Variants in PLEC observed in about 807,000 individuals in gnomAD.
PLEC encodes the protein hemidesmosomal protein 1.
A neutral mutation model predicts 392.8 loss-of-function variants in PLEC; 216 were observed. The ratio of observed to expected loss-of-function variants is 0.55; its 90% CI spans 0.49 to 0.62. The LOEUF (loss-of-function observed/expected upper bound fraction) is 0.62. PLEC is among the 20% of genes least tolerant of loss of function. The pLI, the probability that PLEC is intolerant of heterozygous loss-of-function variation, is 0.00. For synonymous variants in PLEC, 3,621 were observed against 2,980.6 expected (o/e 1.21, Z -7.00); for missense variants, 6,863 against 6,563.4 (o/e 1.05, Z -1.58).
rs782119070 is a variant in PLEC, at chr8:143,922,249, C to T, written c.7572G>A (p.Val2524=). ...AKLEQLFQDE[V]AKAQQLREEQ... ...CCTCACGCAGCTGCTGTGCCTTGGC[C>T]ACCTCGTCCTGGAAGAGCTGCTCCA... Residue 2524 remains valine, a synonymous_variant, in exon 32 of 32, where the codon GTG becomes GTA. Coordinates refer to ENST00000345136, the MANE Select transcript of PLEC (RefSeq NM_201384.3). 1.9e-6 allele frequency: 3 copies of T among 1,593,874 alleles called. No individual in the cohort carries two copies. The East Asian group carries it at 6.7e-5, about 36-fold the overall frequency.
chr8:143,950,857 G>A (rs549759594), exon 1 of PLEC: 1 of 1,433,902 alleles, frequency 7.0e-7, no homozygotes, highest in South Asian at 1.4e-5. Context: ...CTGGGGTGCT[G>A]AGCGTGAGGG....
upstream of PLEC, chr8:143,942,437 C>T (rs782170367): frequency 3.7e-6 from 6 of 1,603,650 alleles, no homozygotes; most frequent in East Asian, 2.2e-5. Context: ...CGGGCCGGCT[C>T]GCAGCCCCCG....
At chr8:143,929,382 G>T in intron 24 of PLEC, 32 bp downstream of exon 24, 1 of 1,528,060 alleles carries the variant, frequency 6.5e-7, no homozygotes, top group Non-Finnish European at 8.9e-7. Flanking sequence ...TGGGGAGAGG[G>T]ATGGGACTGG....
At chr8:143,959,555 C>A (rs782233723) in intron 1 of PLEC, among the ~76,000 whole-genome samples, 2 of 152,244 alleles carry the variant, frequency 1.3e-5, no homozygotes, top group African/African-American at 2.4e-5. Context: ...AGACTCCTTA[C>A]ACAAGTTCCC....
chr8:143,931,782 G>A (rs1827334730), intron 18 of PLEC, 123 bp from the exon 19 acceptor site: 4 of 1,500,756 alleles, frequency 2.7e-6, no homozygotes, highest in East Asian at 2.5e-5. Flanking sequence ...CAGGAGGCCT[G>A]GGGAGCACCC....
intron 1 of PLEC, among the ~76,000 whole-genome samples, chr8:143,960,172 C>T (rs1308427676): frequency 2.0e-5 from 3 of 151,774 alleles, no homozygotes; most frequent in Non-Finnish European, 2.9e-5. Context: ...ATCCCAGCTA[C>T]TTGTGAGGCT....
Position 143,916,601 on chromosome 8 carries a change from G to T in PLEC, c.13220C>A (p.Pro4407His). 1 of 1,610,184 alleles carries T rather than the reference G, an allele frequency of 6.2e-7. No individual in the cohort carries two copies. The highest frequency in any genetic ancestry group is 8.5e-7 in the Non-Finnish European group (1 of 1,178,924). The change falls in exon 32 of 32, where the codon CCC becomes CAC. Residue 4407 changes from proline (P) to histidine (H), a missense_variant. Physicochemically the swap from Pro to His is moderately conservative, Grantham distance 77 (BLOSUM62 -2). Coordinates refer to ENST00000345136, the MANE Select transcript of PLEC (RefSeq NM_201384.3). Reference protein sequence around the residue: ...LIEPDTPGRVPLDEALQRGTV... With the variant: ...LIEPDTPGRVHLDEALQRGTV... Reference sequence around the variant, plus strand: ...GCCGCGCTGCAGGGCCTCGTCCAGGGGCACGCGGCCCGGCGTGTCGGGCTC... The same window carrying T: ...GCCGCGCTGCAGGGCCTCGTCCAGGTGCACGCGGCCCGGCGTGTCGGGCTC...
Position 143,918,160 on chromosome 8 carries a change from G to T in PLEC, c.11661C>A (p.Gly3887=). Residue 3887 remains glycine (G), a synonymous_variant, in exon 32 of 32, where the codon GGC becomes GGA. Coordinates refer to ENST00000345136, the MANE Select transcript of PLEC (RefSeq NM_201384.3). ...CCTCCATGGTGATCTGCTTCCGCAG[G>T]CCACGGAAGGTCAGCTTGCGGGCGT... ...LSDARKLTFR[G]LRKQITMEEL... 6.3e-7 allele frequency: 1 copy of T among 1,596,788 alleles called. No individual in the cohort carries two copies. Among genetic ancestry groups the T allele is most frequent in the Non-Finnish European group, 8.5e-7 (1 of 1,177,986 alleles).
chr8:143,929,329 C>CA, intron 24 of PLEC, 48 bp from the exon 25 acceptor site: 1 of 1,591,072 alleles, frequency 6.3e-7, no homozygotes, highest in Non-Finnish European at 8.5e-7. Flanking sequence ...GCGCAGCACA[C>CA]AGCGCCCCTT....
Position 143,918,779 on chromosome 8 carries a change from G to A in PLEC, c.11042C>T (p.Ser3681Phe). 1 of 1,613,118 alleles carries A rather than the reference G, an allele frequency of 6.2e-7. No homozygotes were observed. The highest frequency in any genetic ancestry group is 8.5e-7 in the Non-Finnish European group (1 of 1,180,018). Residue 3681 changes from serine (S) to phenylalanine (F), a missense_variant, in exon 32 of 32, where the codon TCC becomes TTC. Ser to Phe is a radical substitution (Grantham distance 155). Coordinates refer to ENST00000345136, the MANE Select transcript of PLEC (RefSeq NM_201384.3). The stretch of plus-strand genomic sequence containing the variant: ...CGTGCCATAGAGGTAGCACCAGGCG[G>A]ACTCCGCCTCGAGAGCCTCACGGAG... ...RSLREALEAESAWCYLYGTGS... is the reference protein window; with the variant it reads ...RSLREALEAEFAWCYLYGTGS...
In PLEC at chr8:143,922,770, G is replaced by A. The variant is rs1554690457; in HGVS notation, c.7159C>T (p.Leu2387=). 3.7e-6 allele frequency: 6 copies of A among 1,605,508 alleles called. No individual in the cohort carries two copies. The highest frequency in any genetic ancestry group is 2.2e-5 in the South Asian group (2 of 90,280). The part of the protein sequence containing the change: ...EMSAEAERLK[L]RVAEMSRAQA... Reference sequence around the variant, plus strand: ...GCTCGGCTCATCTCGGCCACACGCAGCTTGAGGCGCTCAGCCTCAGCGCTC... The same window carrying A: ...GCTCGGCTCATCTCGGCCACACGCAACTTGAGGCGCTCAGCCTCAGCGCTC... Residue 2387 remains leucine, a synonymous_variant, in exon 31 of 32, where the codon CTG becomes TTG. Coordinates refer to ENST00000345136, the MANE Select transcript of PLEC (RefSeq NM_201384.3).
chr8:143,921,394 C>T lies in PLEC; in HGVS notation c.8427G>A (p.Gln2809=), dbSNP rs782111584. ...GGTCGATAACGCCGCCCGTGGCGATCTGGGCCTCCAGCAGGCGGATGCCGT... is the reference window on the plus strand; with the variant it reads ...GGTCGATAACGCCGCCCGTGGCGATTTGGGCCTCCAGCAGGCGGATGCCGT... The part of the protein sequence containing the change: ...REHGIRLLEA[Q]IATGGVIDPV... Residue 2809 remains glutamine, a synonymous_variant, in exon 32 of 32, where the codon CAG becomes CAA. Coordinates refer to ENST00000345136, the MANE Select transcript of PLEC (RefSeq NM_201384.3). 5.4e-5 allele frequency: 87 copies of T among 1,613,288 alleles called. No individual in the cohort carries two copies. Among genetic ancestry groups the T allele is most frequent in the Non-Finnish European group, 1.1e-5 (13 of 1,179,792 alleles).
rs371717824 is a variant in PLEC, at chr8:143,950,458, G to T, written c.249C>A (p.Arg83=). The T allele has an allele frequency of 1.5e-5, 24 of 1,605,570 alleles. 1 individual carries two copies. The African/African-American group carries it at 3.1e-4, about 21-fold the overall frequency. The stretch of plus-strand genomic sequence containing the variant: ...TCTCTGGCGGCAGGTGCAGGTACTG[G>T]CGGAGGTGGGCGATGCCTTCATTGG... Residue 83 remains arginine, a synonymous_variant, in exon 1 of 32, where the codon CGC becomes CGA. Transcript: ENST00000322810.
At chr8:143,968,529 C>CAAAAAAAAAAAAAAA (rs57468544) in intron 1 of PLEC, among the ~76,000 whole-genome samples, 37 of 63,630 alleles carry the variant, frequency 5.8e-4, no homozygotes, top group African/African-American at 8.4e-4. Flanking sequence ...AACTCCATCT[C>CAAAAAAAAAAAAAAA]AAAAAAAAAA....
rs1554691925 is a variant in PLEC, at chr8:143,923,331, G to A, written c.6598C>T (p.His2200Tyr). Residue 2200 changes from histidine (H) to tyrosine (Y), a missense_variant, in exon 31 of 32, where the codon CAC becomes TAC. Transcript: ENST00000345136. ...TCCTCGTCCAGCAGGTTCTTCTGGT[G>A]GTCGGTCTCCTCCAGCTGCAGCCGC... The part of the protein sequence containing the change: ...TLRLQLEETD[H>Y]QKNLLDEELQ... 3 of 1,609,864 alleles carry A rather than the reference G, an allele frequency of 1.9e-6. No homozygotes were observed. Among genetic ancestry groups the A allele is most frequent in the African/African-American group, 1.3e-5 (1 of 74,872 alleles).
chr8:143,935,430 T>C lies in PLEC; in HGVS notation c.603-117A>G. 2.7e-6 allele frequency: 2 copies of C among 742,656 alleles called. 1 individual carries two copies. The highest frequency in any genetic ancestry group is 2.9e-5 in the South Asian group (2 of 68,698). 46.0% of individuals were successfully genotyped at this position (742,656 alleles called of 1,614,324 possible). ...CAGCAACCATGGACCCCCCCAACAC[T>C]CACCCTGAAAAATACACTGTCACAT... is the stretch of plus-strand genomic sequence containing the variant. On this transcript the variant is annotated intron_variant, in intron 6 of 31. Coordinates refer to ENST00000345136, the MANE Select transcript of PLEC (RefSeq NM_201384.3).
Position 143,930,262 on chromosome 8 carries a change from C to T in PLEC, c.2494G>A (p.Gly832Ser). ...TTCCAGTGGGACGGCTGTGCAGGGC[C>T]CACCAGCTGGCACTCGTCACCCTTG... ...VHKGDECQLV[G>S]PAQPSHWKVL... is the part of the protein sequence containing the mutation. The change falls in exon 21 of 32, where the codon GGC (glycine) becomes AGC (serine). Residue 832 changes from glycine (G) to serine (S), a missense_variant. Coordinates refer to ENST00000345136, the MANE Select transcript of PLEC (RefSeq NM_201384.3). The T allele has an allele frequency of 1.9e-6, 3 of 1,601,832 alleles. No homozygotes were observed. Among genetic ancestry groups the T allele is most frequent in the Non-Finnish European group, 2.5e-6 (3 of 1,178,422 alleles).
chr8:143,929,298 T>C lies in PLEC; in HGVS notation c.3082-17A>G, dbSNP rs782170376. ...CTGTGCCTTCTGCAAAGACAGGGAG[T>C]GGGAACGCACTCATCACCGAGCGCA... On this transcript the variant is annotated splice_polypyrimidine_tract_variant and intron_variant, in intron 24 of 31. Transcript: ENST00000345136. 9 of 1,595,268 alleles carry C rather than the reference T, an allele frequency of 5.6e-6. No homozygotes were observed. Among genetic ancestry groups the C allele is most frequent in the African/African-American group, 4.1e-5 (3 of 73,634 alleles).
chr8:143,923,503 G>T lies in PLEC; in HGVS notation c.6426C>A (p.Ala2142=), dbSNP rs200062782. Reference sequence around the variant, plus strand: ...GTGCCCGCCGCGCCGCCTCTTGCTCGGCCTCCTTGCGCAGCTTCTCTGCAG... The same window carrying T: ...GTGCCCGCCGCGCCGCCTCTTGCTCTGCCTCCTTGCGCAGCTTCTCTGCAG... ...QAAAEKLRKE[A]EQEAARRAQA... is the part of the protein sequence containing the mutation. The change falls in exon 31 of 32, where the codon GCC becomes GCA. Residue 2142 remains alanine (A), a synonymous_variant. Coordinates refer to ENST00000345136, the MANE Select transcript of PLEC (RefSeq NM_201384.3). 6.3e-7 allele frequency: 1 copy of T among 1,597,860 alleles called. No individual in the cohort carries two copies.
Sources: gnomAD v4.1 joint callset for allele counts (sites outside exome capture counted in the v4.1 genomes callset) on GRCh38, gnomAD v4.1.1 for gene constraint, MANE v1.5 for transcripts, NCBI Gene and HGNC (gene_info 2026-07-23, HGNC 2026-07-21) for gene names.